HSPH1: variants seen among roughly 807,000 people sequenced by gnomAD.
HSPH1 encodes the protein heat shock protein 105 kDa.
In HSPH1, 40 loss-of-function variants were observed where a neutral mutation model predicts 100.0. That is an observed-to-expected ratio of 0.40 (90% CI 0.31 to 0.52). The LOEUF is 0.52. Ranked by LOEUF, HSPH1 falls within the 20% of genes least tolerant of loss-of-function variation. HSPH1 has a pLI of 0.54. For synonymous variants in HSPH1, 403 were observed against 344.0 expected (o/e 1.17, Z -1.90); for missense variants, 876 against 1,015.1 (o/e 0.86, Z 1.86).
At chr13:31,148,588 A>G in intron 8 of HSPH1, 108 bp from the exon 9 acceptor site, 1 of 489,972 alleles carries the variant, frequency 2.0e-6, no homozygotes, top group Non-Finnish European at 3.6e-6. Context: ...AAAAAAAAAA[A>G]AACAACTCAC....
At position 31,138,456 on chromosome 13, in the gene HSPH1, A is replaced by C; in HGVS notation, c.2321T>G (p.Leu774Arg). Residue 774 changes from leucine to arginine, a missense_variant, in exon 17 of 18, where the codon CTT becomes CGT. By Grantham distance (102) the Leu-to-Arg change is moderately radical. Transcript: ENST00000320027. ...AGCACGTACAACTGGATCCTGATCA[A>C]GACTCTTTTTAGCCTGAGCATTCAT... is the stretch of plus-strand genomic sequence containing the variant. ...NVMNAQAKKS[L>R]DQDPVVRAQE... The C allele has an allele frequency of 1.2e-6, 2 of 1,613,414 alleles. No homozygotes were observed. Among genetic ancestry groups the C allele is most frequent in the Non-Finnish European group, 1.7e-6 (2 of 1,179,510 alleles).
In HSPH1 at chr13:31,152,944, G is replaced by C. The variant is rs758132790; in HGVS notation, c.437C>G (p.Ser146Cys). Residue 146 changes from serine (S) to cysteine (C), a missense_variant, in exon 5 of 18, where the codon TCC becomes TGC. Coordinates refer to ENST00000320027, the MANE Select transcript of HSPH1 (RefSeq NM_006644.4). ...TCGCCTCTCAGCATCTGTAAAGAAGGAGGGGACCTACAAACAAACAAAAAA... is the reference window on the plus strand; with the variant it reads ...TCGCCTCTCAGCATCTGTAAAGAAGCAGGGGACCTACAAACAAACAAAAAA... ...PVTDCVISVPSFFTDAERRSV... is the reference protein window; with the variant it reads ...PVTDCVISVPCFFTDAERRSV... 1.9e-6 allele frequency: 3 copies of C among 1,609,942 alleles called. No homozygotes were observed. In the African/African-American group the frequency reaches 4.0e-5, roughly 22 times the overall value.
chr13:31,143,763 T>A (rs368973660), intron 12 of HSPH1, 29 bp downstream of exon 12: 31 of 1,581,472 alleles, frequency 2.0e-5, no homozygotes, highest in Non-Finnish European at 4.3e-6. Context: ...CAACATTGTC[T>A]AATGGAATGA....
At chr13:31,146,033 T>A (rs903417225) in intron 10 of HSPH1, among the ~76,000 whole-genome samples, 1 of 151,700 alleles carries the variant, frequency 6.6e-6, no homozygotes, top group African/African-American at 2.4e-5. Flanking sequence ...TACTCAGGAG[T>A]CTGAGGCGGG....
chr13:31,160,552 G>A (rs189294438), intron 1 of HSPH1, among the ~76,000 whole-genome samples: 29 of 152,258 alleles, frequency 1.9e-4, no homozygotes, highest in Admixed American at 1.4e-3. Flanking sequence ...CAATGCACAT[G>A]CAGATATGTT....
intron 2 of HSPH1, 27 bp from the exon 3 acceptor site, chr13:31,155,681 T>C: frequency 6.4e-7 from 1 of 1,564,580 alleles, no homozygotes; most frequent in South Asian, 1.2e-5. Context: ...GAGATTTTAA[T>C]TTTTTTCTTT....
At position 31,161,703 on chromosome 13, in the gene HSPH1, C is replaced by G. The variant is rs368910519; in HGVS notation, c.-121G>C. The G allele has an allele frequency of 6.5e-7, 1 of 1,538,658 alleles. No individual in the cohort carries two copies. Among genetic ancestry groups the G allele is most frequent in the South Asian group, 1.2e-5 (1 of 84,180 alleles). ...TCTGCTCCGGCCCGCGGGGTCTGGC[C>G]GTTCCTCTGACACTCAGAAGGACAC... On this transcript the variant is annotated 5_prime_UTR_variant, in exon 1 of 18. Transcript: ENST00000320027.
At position 31,140,282 on chromosome 13, in the gene HSPH1, C is replaced by G. The variant is rs1233878019; in HGVS notation, c.1882G>C (p.Glu628Gln). 1.2e-6 allele frequency: 2 copies of G among 1,610,648 alleles called. No homozygotes were observed. The highest frequency in any genetic ancestry group is 2.2e-5 in the South Asian group (2 of 90,980). ...TTTTTAGCATCATTCCTTTCTTTTT[C>G]CAATTTATCTTGCATTATCATCTTA... The part of the protein sequence containing the change: ...EGKMIMQDKL[E>Q]KERNDAKNAV... The change falls in exon 14 of 18, where the codon GAA (glutamate) becomes CAA (glutamine). Residue 628 changes from glutamate (E) to glutamine (Q), a missense_variant. Transcript: ENST00000320027.
chr13:31,140,843 G>A (rs1220298870), intron 13 of HSPH1: 2 of 257,006 alleles, frequency 7.8e-6, no homozygotes, highest in East Asian at 7.4e-5. Flanking sequence ...AATATTTAGT[G>A]TGCCGTGAAA....
chr13:31,141,340 TG>T lies in HSPH1; in HGVS notation c.1717-82del, dbSNP rs538603148. The T allele has an allele frequency of 6.3e-5, 75 of 1,184,910 alleles. 1 individual carries two copies. In the African/African-American group the frequency reaches 1.1e-3, roughly 17 times the overall value. 73.4% of individuals were successfully genotyped at this position (1,184,910 alleles called of 1,614,324 possible). ...ACAAAAAAAATGTCCTCATACTTAC[TG>T]ATGACTTGGGCAAAAATAAAATCTC... On this transcript the variant is annotated intron_variant, in intron 12 of 17. Coordinates refer to ENST00000320027, the MANE Select transcript of HSPH1 (RefSeq NM_006644.4).
rs767627438 is a variant in HSPH1 at position 31,154,768 on chromosome 13, G to GA, written c.307-14dup. On this transcript the variant is annotated splice_polypyrimidine_tract_variant and intron_variant, in intron 3 of 17. Transcript: ENST00000320027. ...CCATGTACATTACCTATATTGAAGG[G>GA]AAAAAATGTTTTAAACATTGTAGTA... 29 of 1,603,640 alleles carry GA rather than the reference G, an allele frequency of 1.8e-5. No individual in the cohort carries two copies. The South Asian group carries it at 2.7e-4, about 15-fold the overall frequency.
chr13:31,141,376 T>C, intron 12 of HSPH1, 117 bp from the exon 13 acceptor site: 4 of 853,500 alleles, frequency 4.7e-6, no homozygotes, highest in Non-Finnish European at 7.1e-6. Context: ...CTAAAAATCA[T>C]AAAGTTGGAA....
chr13:31,151,279 G>A, intron 6 of HSPH1, 88 bp from the exon 7 acceptor site: 1 of 1,020,624 alleles, frequency 9.8e-7, no homozygotes, highest in Non-Finnish European at 1.4e-6. Flanking sequence ...AACAATGAAA[G>A]ACTAAGAGAC....
chr13:31,160,996 A>G (rs1419586016), intron 1 of HSPH1, among the ~76,000 whole-genome samples: 1 of 152,220 alleles, frequency 6.6e-6, no homozygotes, highest in East Asian at 1.9e-4. Flanking sequence ...GCGGAAGAAA[A>G]AGGCCGGCAG....
chr13:31,154,027 T>C (rs1375427187), intron 4 of HSPH1: 1 of 153,550 alleles, frequency 6.5e-6, no homozygotes, highest in Non-Finnish European at 1.4e-5. Flanking sequence ...TTGCTCATAC[T>C]ATAGAGCAAA....
rs776938928 is a variant in HSPH1, at chr13:31,154,769, A to C, written c.307-14T>G. The C allele has an allele frequency of 6.2e-7, 1 of 1,607,248 alleles. No homozygotes were observed. Among genetic ancestry groups the C allele is most frequent in the Non-Finnish European group, 8.5e-7 (1 of 1,175,402 alleles). ...CATGTACATTACCTATATTGAAGGGAAAAAATGTTTTAAACATTGTAGTAC... is the reference window on the plus strand; with the variant it reads ...CATGTACATTACCTATATTGAAGGGCAAAAATGTTTTAAACATTGTAGTAC... On this transcript the variant is annotated splice_polypyrimidine_tract_variant and intron_variant, in intron 3 of 17. Transcript: ENST00000320027.
At chr13:31,162,005 C>T (rs1218945867), upstream of HSPH1, 1 of 1,536,152 alleles carries the variant, frequency 6.5e-7, no homozygotes. Flanking sequence ...GGCCCCTCCA[C>T]GTGCCACTTC....
rs1413392496 is a variant in HSPH1, at chr13:31,138,437, T to TACA, written c.2337_2339dup (p.Val780dup). On this transcript the variant is annotated inframe_insertion, in exon 17 of 18. Transcript: ENST00000320027. ...TTTTTGTTTTAATTTCCTGAGCACG[T>TACA]ACAACTGGATCCTGATCAAGACTCT... 1 of 1,613,054 alleles carries TACA rather than the reference T, an allele frequency of 6.2e-7. No individual in the cohort carries two copies. The highest frequency in any genetic ancestry group is 8.5e-7 in the Non-Finnish European group (1 of 1,179,396).
At chr13:31,140,558 A>C (rs1593181405) in intron 13 of HSPH1, 1 of 279,034 alleles carries the variant, frequency 3.6e-6, no homozygotes, top group Admixed American at 4.8e-5. Context: ...AATGCTAAAA[A>C]AAAAAAAAAA....
Sources: allele counts gnomAD v4.1 joint callset (sites outside exome capture counted in the v4.1 genomes callset), GRCh38; gene constraint gnomAD v4.1.1; transcripts MANE v1.5; gene names NCBI Gene and HGNC (gene_info 2026-07-23, HGNC 2026-07-21).